The following TSHZ3 variants were observed in gnomAD, a reference collection of about 807,000 sequenced individuals.
TSHZ3 encodes the protein teashirt homolog 3.
A neutral mutation model predicts 64.5 loss-of-function variants in TSHZ3; 10 were observed. The ratio of observed to expected loss-of-function variants is 0.16; its 90% CI spans 0.10 to 0.26. TSHZ3 has a LOEUF of 0.26. Ranked by LOEUF, TSHZ3 falls within the 10% of genes least tolerant of loss-of-function variation. TSHZ3 has a pLI of 1.00. For synonymous variants in TSHZ3, 608 were observed against 593.1 expected, an observed-to-expected ratio of 1.03 and a Z score of -0.36; for missense variants, 1,242 against 1,421.7, an observed-to-expected ratio of 0.87 and a Z score of 2.03.
chr19:31,271,230 A>G (rs1281988011), downstream of TSHZ3, among the ~76,000 whole-genome samples: 1 of 152,092 alleles, frequency 6.6e-6, no homozygotes, highest in Non-Finnish European at 1.5e-5. Context: ...CCTTGGAACC[A>G]TGAAAGCCCA....
intron 3 of TSHZ3, among the ~76,000 whole-genome samples, chr19:31,228,709 G>A (rs1334172758): frequency 6.6e-6 from 1 of 152,116 alleles, no homozygotes; most frequent in Non-Finnish European, 1.5e-5. Context: ...ACAGATTGCA[G>A]AGAGTGGTGT....
chr19:31,200,298 T>A (rs1428053705), intron 5 of TSHZ3, among the ~76,000 whole-genome samples: 5 of 152,134 alleles, frequency 3.3e-5, no homozygotes, highest in African/African-American at 4.8e-5. Context: ...TATTAATAAT[T>A]GCCAAAACTT....
exon 7 of TSHZ3, among the ~76,000 whole-genome samples, chr19:31,150,856 C>G (rs1003428456): frequency 1.3e-5 from 2 of 152,100 alleles, no homozygotes; most frequent in Non-Finnish European, 2.9e-5. Context: ...GTATCTTGTC[C>G]CTGCTCATCC....
At chr19:31,240,921 A>G (rs1430667822) in intron 3 of TSHZ3, among the ~76,000 whole-genome samples, 1 of 152,148 alleles carries the variant, frequency 6.6e-6, no homozygotes, top group Non-Finnish European at 1.5e-5. Flanking sequence ...TTCAATCATT[A>G]GGACCATATT....
chr19:31,189,431 G>A (rs1364533985), intron 5 of TSHZ3, among the ~76,000 whole-genome samples: 1 of 151,774 alleles, frequency 6.6e-6, no homozygotes, highest in Non-Finnish European at 1.5e-5. Context: ...TTAATAGGTT[G>A]TATTTTCATT....
downstream of TSHZ3, among the ~76,000 whole-genome samples, chr19:31,272,844 AG>A (rs1976162049): frequency 6.6e-6 from 1 of 152,146 alleles, no homozygotes; most frequent in Admixed American, 6.5e-5. Context: ...GGGCGGGGTG[AG>A]GTCAGGGTCA....
intron 4 of TSHZ3, among the ~76,000 whole-genome samples, chr19:31,217,431 G>A (rs944876899): frequency 1.3e-5 from 2 of 152,112 alleles, no homozygotes; most frequent in Non-Finnish European, 2.9e-5. Flanking sequence ...AAATGTTATA[G>A]ATGGATTTTA....
At chr19:31,346,752 A>C (rs1917603643) in intron 1 of TSHZ3, among the ~76,000 whole-genome samples, 1 of 152,152 alleles carries the variant, frequency 6.6e-6, no homozygotes, top group South Asian at 2.1e-4. Context: ...AAAGAGGAGA[A>C]AAAAATGGGA....
chr19:31,170,158 G>A (rs2145114019), intron 5 of TSHZ3, among the ~76,000 whole-genome samples: 1 of 152,240 alleles, frequency 6.6e-6, no homozygotes, highest in Admixed American at 6.5e-5. Flanking sequence ...AAACAACAGG[G>A]ATGTATTTTC....
chr19:31,207,379 A>C (rs1460811631), intron 4 of TSHZ3: 1 of 152,180 alleles, frequency 6.6e-6, no homozygotes, highest in Non-Finnish European at 1.5e-5. Context: ...TTTTTATTAG[A>C]AATTAAAATA....
intron 5 of TSHZ3, among the ~76,000 whole-genome samples, chr19:31,177,603 C>A (rs1355921119): frequency 6.6e-6 from 1 of 152,242 alleles, no homozygotes; most frequent in Admixed American, 6.5e-5. Context: ...CTTGGAAATT[C>A]CACGATGAGC....
At chr19:31,248,992 A>C (rs544113215) in intron 1 of TSHZ3, among the ~76,000 whole-genome samples, 2 of 152,154 alleles carry the variant, frequency 1.3e-5, no homozygotes, top group South Asian at 2.1e-4. Context: ...AGCAGCTAGC[A>C]TTGAGCCAAG....
chr19:31,252,516 G>A (rs757657555), intron 1 of TSHZ3, among the ~76,000 whole-genome samples: 26 of 152,198 alleles, frequency 1.7e-4, no homozygotes, highest in Non-Finnish European at 3.2e-4. Context: ...GGACCAGGTG[G>A]GAGTAACTGG....
rs1378115290 is a variant in TSHZ3 at position 31,276,380 on chromosome 19, C to T, written c.*167G>A. On this transcript the variant is annotated 3_prime_UTR_variant, in exon 2 of 2. Coordinates refer to ENST00000240587, the MANE Select transcript of TSHZ3 (RefSeq NM_020856.4). The stretch of plus-strand genomic sequence containing the variant: ...TTACCAGTAACAACAGCTGATTATG[C>T]ACCTCTATTAAACACTGTACAGTTA... The T allele has an allele frequency of 7.3e-6, 4 of 550,358 alleles. No homozygotes were observed. Among genetic ancestry groups the T allele is most frequent in the African/African-American group, 3.8e-5 (2 of 52,500 alleles). The allele number at this position is 550,358 out of a possible 1,614,324, so 34.1% of individuals were successfully genotyped here. A position where few individuals can be genotyped will look rare whatever the true frequency, so the allele number is the denominator to read the frequency against.
At chr19:31,296,305 TGAAGTGCTG>T (rs925904375) in intron 1 of TSHZ3, among the ~76,000 whole-genome samples, 3 of 150,210 alleles carry the variant, frequency 2.0e-5, no homozygotes, top group Non-Finnish European at 4.4e-5. Flanking sequence ...CACACCTTCA[TGAAGTGCTG>T]GAAGTGCTGT....
At chr19:31,306,100 C>T (rs1599638042) in intron 1 of TSHZ3, among the ~76,000 whole-genome samples, 2 of 152,148 alleles carry the variant, frequency 1.3e-5, no homozygotes, top group East Asian at 1.9e-4. Flanking sequence ...GAGTGCCAGG[C>T]GGGGAGTGAC....
intron 1 of TSHZ3, among the ~76,000 whole-genome samples, chr19:31,244,951 T>C (rs1479054249): frequency 6.6e-6 from 1 of 152,218 alleles, no homozygotes; most frequent in African/African-American, 2.4e-5. Context: ...GCCTAAAATC[T>C]TATAAAGAAA....
In TSHZ3 at chr19:31,276,741, T is replaced by C; in HGVS notation, c.3052A>G (p.Ile1018Val). The change falls in exon 2 of 2, where the codon ATA becomes GTA. Residue 1018 changes from isoleucine to valine, a missense_variant. This residue lies in a region of TSHZ3 where 126 missense variants were observed against 140.6 expected (regional missense o/e 0.90). Transcript: ENST00000240587. ...KLSTEQINSQ[I>V]AQTKSPSEKM... ...TCTGACGGTGACTTGGTTTGTGCTA[T>C]CTGACTGTTAATCTGTTCGGTGGAC... 6.2e-7 allele frequency: 1 copy of C among 1,613,692 alleles called. No homozygotes were observed.
Position 31,165,596 on chromosome 19 carries a change from C to A in TSHZ3, n.810-9179G>T, listed in dbSNP as rs183565248. ...GACCCGAGTGCAGCTCACCCACAGG[C>A]CAGCTCAGCCCTCGGACAAAAATAA... On this transcript the variant is annotated intron_variant and non_coding_transcript_variant, in intron 5 of 6. Coordinates refer to the TSHZ3 transcript ENST00000651361. Among the ~76,000 whole-genome samples the A allele has an allele frequency of 5.3e-5, 8 of 152,184 alleles. No individual in the cohort carries two copies. In the East Asian group the frequency reaches 1.6e-3, roughly 30 times the overall value.
Sources: allele counts gnomAD v4.1 joint callset (sites outside exome capture counted in the v4.1 genomes callset), GRCh38; gene constraint gnomAD v4.1.1; regional missense constraint gnomAD v4.1.1; transcripts MANE v1.5; gene names NCBI Gene and HGNC (gene_info 2026-07-23, HGNC 2026-07-21).